NCAM2: variants seen among roughly 807,000 people sequenced by gnomAD.
NCAM2 encodes N-CAM-2.
NCAM2 carries 30 observed loss-of-function variants against 98.1 expected under a neutral mutation model. That is an observed-to-expected ratio of 0.31 (90% CI 0.23 to 0.41). The LOEUF is 0.41. Among genes scored for constraint, NCAM2 ranks in the 10% least tolerant of loss-of-function variants. NCAM2 has a pLI of 1.00. For synonymous variants in NCAM2, 368 were observed against 342.4 expected, an observed-to-expected ratio of 1.07 and a Z score of -0.83; for missense variants, 867 against 1,005.8, an observed-to-expected ratio of 0.86 and a Z score of 1.87.
intron 15 of NCAM2, among the ~76,000 whole-genome samples, chr21:21,497,297 G>T (rs1987310852): frequency 6.6e-6 from 1 of 152,028 alleles, no homozygotes; most frequent in Non-Finnish European, 1.5e-5. Context: ...TCAGCATCAT[G>T]CATTTCCGCA....
chr21:21,066,579 C>G (rs142874744), intron 1 of NCAM2, among the ~76,000 whole-genome samples: 2 of 152,012 alleles, frequency 1.3e-5, no homozygotes, highest in African/African-American at 4.8e-5. Context: ...ATTGATGCCT[C>G]TATGCGCAAG....
chr21:21,346,348 T>G (rs2147916464), intron 8 of NCAM2, among the ~76,000 whole-genome samples: 1 of 152,086 alleles, frequency 6.6e-6, no homozygotes, highest in Admixed American at 6.6e-5. Context: ...ATAATTTAAA[T>G]ATATATGCAC....
chr21:21,316,778 A>G (rs935262779), intron 5 of NCAM2, among the ~76,000 whole-genome samples: 3 of 152,046 alleles, frequency 2.0e-5, no homozygotes, highest in Middle Eastern at 3.2e-3. Context: ...TCCTGACCTC[A>G]GGCGATCTGC....
In NCAM2 at chr21:21,292,251, A is replaced by G. The variant is rs751151354; in HGVS notation, c.619+10A>G. ...ATTGTTATTGTTAATGGTAAGCAGTAAATAATTTGTACATGTTTTATGGAT... is the reference window on the plus strand; with the variant it reads ...ATTGTTATTGTTAATGGTAAGCAGTGAATAATTTGTACATGTTTTATGGAT... On this transcript the variant is annotated intron_variant, in intron 5 of 17. Transcript: ENST00000400546. The G allele has an allele frequency of 5.0e-6, 8 of 1,599,012 alleles. No individual in the cohort carries two copies. The highest frequency in any genetic ancestry group is 6.0e-6 in the Non-Finnish European group (7 of 1,173,688).
At position 21,064,765 on chromosome 21, in the gene NCAM2, G is replaced by C. The variant is rs142721443; in HGVS notation, c.55+66147G>C. On this transcript the variant is annotated intron_variant, in intron 1 of 17. Transcript: ENST00000400546. ...AAATGGGTTTTAGCTTATTATAACT[G>C]TTTACATATGGGACTGCTACTATAT... Among the ~76,000 whole-genome samples, 607 of 152,268 alleles carry C rather than the reference G, an allele frequency of 4.0e-3. 3 individuals are homozygous for C. Among genetic ancestry groups the C allele is most frequent in the African/African-American group, 0.014 (584 of 41,544 alleles).
intron 6 of NCAM2, among the ~76,000 whole-genome samples, chr21:21,331,514 T>TATATATATATATATATATATATATATA (rs71195320): frequency 2.9e-3 from 14 of 4,774 alleles, no homozygotes; most frequent in East Asian, 9.1e-3. Context: ...ATACTCTCTC[T>TATATATATATATATATATATATATATA]CTCTATATAT....
At chr21:21,531,316 A>G (rs1312081955) in intron 16 of NCAM2, among the ~76,000 whole-genome samples, 2 of 152,200 alleles carry the variant, frequency 1.3e-5, no homozygotes, top group East Asian at 3.8e-4. Context: ...ATTTCTTAAA[A>G]TTGAAAGTTT....
chr21:21,222,458 A>G (rs989140896), intron 1 of NCAM2, among the ~76,000 whole-genome samples: 1 of 152,192 alleles, frequency 6.6e-6, no homozygotes, highest in East Asian at 1.9e-4. Context: ...ATGCATGGGA[A>G]GAAGTCAAAA....
intron 1 of NCAM2, among the ~76,000 whole-genome samples, chr21:21,265,750 A>C (rs77407556): frequency 0.018 from 2,723 of 151,812 alleles, 89 homozygotes; most frequent in East Asian, 0.14. Context: ...GGGACTTCAA[A>C]ATGGGGAAAA....
intron 1 of NCAM2, among the ~76,000 whole-genome samples, chr21:21,271,084 A>G (rs1484813754): frequency 6.6e-6 from 1 of 152,146 alleles, no homozygotes; most frequent in Non-Finnish European, 1.5e-5. Flanking sequence ...TATGTTTGAA[A>G]TGAAAAACAC....
At chr21:21,506,152 C>T (rs1167734810) in intron 15 of NCAM2, among the ~76,000 whole-genome samples, 1 of 152,050 alleles carries the variant, frequency 6.6e-6, no homozygotes, top group Non-Finnish European at 1.5e-5. Context: ...AGACCCTAAA[C>T]GAAGTAGCAG....
intron 10 of NCAM2, among the ~76,000 whole-genome samples, chr21:21,412,458 G>C (rs1370465256): frequency 7.8e-6 from 1 of 128,196 alleles, no homozygotes; most frequent in Non-Finnish European, 1.8e-5. Context: ...GTGAGTAAAT[G>C]ACAGACTAAT....
At chr21:21,032,940 C>A (rs1412410819) in intron 1 of NCAM2, among the ~76,000 whole-genome samples, 1 of 23,988 alleles carries the variant, frequency 4.2e-5, no homozygotes, top group South Asian at 2.2e-3. Context: ...TTCTTTCTTT[C>A]TTTCTTTTTT....
Position 21,284,395 on chromosome 21 carries a change from T to C in NCAM2, c.332T>C (p.Ile111Thr). The C allele has an allele frequency of 1.9e-6, 3 of 1,606,258 alleles. No individual in the cohort carries two copies. The highest frequency in any genetic ancestry group is 2.6e-6 in the Non-Finnish European group (3 of 1,173,594). Residue 111 changes from isoleucine to threonine, a missense_variant, in exon 3 of 18, where the codon ATT (isoleucine) becomes ACT (threonine). By Grantham distance (89) the Ile-to-Thr change is moderately conservative. Coordinates refer to ENST00000400546, the MANE Select transcript of NCAM2 (RefSeq NM_004540.5). ...CAAGAAGCTACAGTAGTTTTGGAAA[T>C]TTACCGTAAGTAATGTATTTATATG... ...QTQEATVVLE[I>T]YQKLTFREVV... is the part of the protein sequence containing the mutation.
chr21:21,485,069 A>G (rs1409222306), intron 15 of NCAM2, among the ~76,000 whole-genome samples: 2 of 152,102 alleles, frequency 1.3e-5, no homozygotes, highest in Admixed American at 6.6e-5. Context: ...TAATATTTCA[A>G]TGTGTTTACC....
chr21:21,087,752 G>C (rs994505161), intron 1 of NCAM2, among the ~76,000 whole-genome samples: 4 of 152,110 alleles, frequency 2.6e-5, no homozygotes, highest in African/African-American at 9.7e-5. Flanking sequence ...GTCTCATTTA[G>C]ATCCTGGTCT....
chr21:21,126,236 T>TAAAAAAAAAAAAAAAAA (rs778070776), intron 1 of NCAM2, among the ~76,000 whole-genome samples: 6 of 97,548 alleles, frequency 6.2e-5, no homozygotes, highest in East Asian at 3.2e-4. Context: ...TCATGGAACA[T>TAAAAAAAAAAAAAAAAA]AAAAAAAAAA....
intron 1 of NCAM2, among the ~76,000 whole-genome samples, chr21:21,199,580 A>T (rs1344683133): frequency 6.6e-6 from 1 of 152,172 alleles, no homozygotes; most frequent in Non-Finnish European, 1.5e-5. Context: ...ACTAACCTTG[A>T]GAGTAGTGAT....
chr21:21,364,351 C>T lies in NCAM2; in HGVS notation c.1045-9512C>T, dbSNP rs1014830174. Among the ~76,000 whole-genome samples the T allele has an allele frequency of 4.0e-5, 6 of 151,824 alleles. No individual in the cohort carries two copies. In the East Asian group the frequency reaches 1.2e-3, roughly 30 times the overall value. Reference sequence around the variant, plus strand: ...AGCTCACAATATAGATATATTTTACCCTTCTTGAACTTCTCACCCAATGTG... The same window carrying T: ...AGCTCACAATATAGATATATTTTACTCTTCTTGAACTTCTCACCCAATGTG... On this transcript the variant is annotated intron_variant, in intron 8 of 17. Coordinates refer to ENST00000400546, the MANE Select transcript of NCAM2 (RefSeq NM_004540.5).
Sources: allele counts gnomAD v4.1 joint callset (sites outside exome capture counted in the v4.1 genomes callset), GRCh38; gene constraint gnomAD v4.1.1; transcripts MANE v1.5; gene names NCBI Gene and HGNC (gene_info 2026-07-23, HGNC 2026-07-21).